The following TBC1D16 variants were observed in gnomAD, a reference collection of about 807,000 sequenced individuals.
TBC1D16 encodes the protein TBC1 domain family member 16.
Under a neutral mutation model 74.7 loss-of-function variants are expected in TBC1D16, and 58 were observed. The observed-to-expected ratio is 0.78, with a 90% confidence interval of 0.63 to 0.97. The LOEUF (loss-of-function observed/expected upper bound fraction) is 0.97, where lower values mean the gene tolerates loss of function less well. TBC1D16 is among the 50% of genes least tolerant of loss of function. The pLI, the probability that TBC1D16 is intolerant of heterozygous loss-of-function variation, is 0.00. For missense variants in TBC1D16, 1,014 were observed against 1,079.5 expected (o/e 0.94, Z 0.85); for synonymous variants, 493 against 474.7 (o/e 1.04, Z -0.50).
chr17:79,944,256 G>C lies in TBC1D16; in HGVS notation c.1908+652C>G. On this transcript the variant is annotated intron_variant, in intron 10 of 11. Coordinates refer to ENST00000310924, the MANE Select transcript of TBC1D16 (RefSeq NM_019020.4). The surrounding 1 kb of genome is among the most constrained non-coding windows in gnomAD (Gnocchi z 7.7). ...CCTGCAAAAGGGTCCAGCCCTCCTGGATGCGTCGATGTGAGTTTTTTTTTT... is the reference window on the plus strand; with the variant it reads ...CCTGCAAAAGGGTCCAGCCCTCCTGCATGCGTCGATGTGAGTTTTTTTTTT... The C allele has an allele frequency of 1.0e-6, 1 of 981,148 alleles. No individual in the cohort carries two copies. Among genetic ancestry groups the C allele is most frequent in the Non-Finnish European group, 1.5e-6 (1 of 673,174 alleles). 60.8% of individuals were successfully genotyped at this position (981,148 alleles called of 1,614,324 possible).
chr17:80,027,891 C>CAAAAAAAAAA (rs71163908), intron 1 of TBC1D16, among the ~76,000 whole-genome samples: 1 of 66,826 alleles, frequency 1.5e-5, no homozygotes, highest in Admixed American at 1.8e-4. Flanking sequence ...GACTCCAACT[C>CAAAAAAAAAA]AAAAAAAAAA....
Position 79,980,014 on chromosome 17 carries a change from C to T in TBC1D16, c.780-27196G>A, listed in dbSNP as rs2144266156. Among the ~76,000 whole-genome samples the T allele has an allele frequency of 6.6e-6, 1 of 152,182 alleles. No individual in the cohort carries two copies. Among genetic ancestry groups the T allele is most frequent in the African/African-American group, 2.4e-5 (1 of 41,524 alleles). On this transcript the variant is annotated intron_variant, in intron 3 of 11. Transcript: ENST00000310924. The surrounding 1 kb of genome is among the most constrained non-coding windows in gnomAD (Gnocchi z 7.0). Reference sequence around the variant, plus strand: ...ACGGCTGTGGGCACCGGTGCCTCCCCAGACCCTCTGGGCAGCCCATCCTTG... The same window carrying T: ...ACGGCTGTGGGCACCGGTGCCTCCCTAGACCCTCTGGGCAGCCCATCCTTG...
rs1472887858 is a variant in TBC1D16, at chr17:79,975,579, G to A, written c.780-22761C>T. On this transcript the variant is annotated intron_variant, in intron 3 of 11. Transcript: ENST00000310924. The surrounding 1 kb of genome is among the most constrained non-coding windows in gnomAD (Gnocchi z 4.5). ...TCCTGATTTCAAAGGATCAACGAGT[G>A]ACAGAGGGTTGGGGACTGGGGGGGT... is the stretch of plus-strand genomic sequence containing the variant. 3.3e-5 allele frequency among the ~76,000 whole-genome samples: 5 copies of A among 152,204 alleles called. No homozygotes were observed. Among genetic ancestry groups the A allele is most frequent in the African/African-American group, 1.2e-4 (5 of 41,460 alleles).
Position 79,979,122 on chromosome 17 carries a change from C to G in TBC1D16, c.780-26304G>C, listed in dbSNP as rs192792060. ...GCCCTCGTGGGCTCCACGCTCTCAGCCTGTCCATCAGCAGCACACCTGGGA... is the reference window on the plus strand; with the variant it reads ...GCCCTCGTGGGCTCCACGCTCTCAGGCTGTCCATCAGCAGCACACCTGGGA... On this transcript the variant is annotated intron_variant, in intron 3 of 11. Transcript: ENST00000310924. The surrounding 1 kb of genome is among the most constrained non-coding windows in gnomAD (Gnocchi z 4.8). 1.2e-4 allele frequency among the ~76,000 whole-genome samples: 18 copies of G among 152,354 alleles called. No homozygotes were observed. In the East Asian group the frequency reaches 3.5e-3, roughly 29 times the overall value.
chr17:79,939,519 G>T lies in TBC1D16; in HGVS notation c.*1340C>A, dbSNP rs777143064. On this transcript the variant is annotated 3_prime_UTR_variant, in exon 12 of 12. Transcript: ENST00000310924. ...CCATGATGGTTCTCAGCACATCAAGGGTTTTTCTCCCCAGAAGGACGCGAT... is the reference window on the plus strand; with the variant it reads ...CCATGATGGTTCTCAGCACATCAAGTGTTTTTCTCCCCAGAAGGACGCGAT... 4.6e-5 allele frequency: 7 copies of T among 152,194 alleles called. No individual in the cohort carries two copies. The highest frequency in any genetic ancestry group is 7.3e-5 in the Non-Finnish European group (5 of 68,046). 9.4% of individuals were successfully genotyped at this position (152,194 alleles called of 1,614,324 possible).
chr17:79,976,972 T>C (rs1025851341), intron 3 of TBC1D16, among the ~76,000 whole-genome samples: 2 of 152,198 alleles, frequency 1.3e-5, no homozygotes, highest in African/African-American at 4.8e-5. Context: ...GGGCAGTTTC[T>C]ACCTGCCTGC....
chr17:79,949,210 C>T (rs2032827019), intron 7 of TBC1D16, among the ~76,000 whole-genome samples: 3 of 152,252 alleles, frequency 2.0e-5, no homozygotes, highest in African/African-American at 7.2e-5. Context: ...AACTCAGCCT[C>T]ACAGTCTCCA....
rs1055156822 is a variant in TBC1D16, at chr17:79,944,783, T to TG, written c.1908+124dup. 13 of 873,492 alleles carry TG rather than the reference T, an allele frequency of 1.5e-5. No homozygotes were observed. The highest frequency in any genetic ancestry group is 1.3e-4 in the South Asian group (7 of 55,522). 54.1% of individuals were successfully genotyped at this position (873,492 alleles called of 1,614,324 possible). A position where few individuals can be genotyped will look rare whatever the true frequency, so the allele number is the denominator to read the frequency against. On this transcript the variant is annotated intron_variant, in intron 10 of 11. Transcript: ENST00000310924. This position sits in a 1 kb window ranked among gnomAD's most constrained non-coding sequence, Gnocchi z 7.7. ...GTGGGACGGGAAGGCAGTCGCCGTA[T>TG]GGGGGGCTAATGTGTGGCTGTGGGT...
Position 79,941,563 on chromosome 17 carries a change from A to AC in TBC1D16, c.2056-457dup, listed in dbSNP as rs747771493. ...GCCAGAGGACACCACCGACCTCGGG[A>AC]CCCCCGCTCAGTGCCCTGAGGACCA... On this transcript the variant is annotated intron_variant, in intron 11 of 11. Coordinates refer to ENST00000310924, the MANE Select transcript of TBC1D16 (RefSeq NM_019020.4). The surrounding 1 kb of genome is among the most constrained non-coding windows in gnomAD (Gnocchi z 4.3). Among the ~76,000 whole-genome samples the AC allele has an allele frequency of 1.5e-4, 22 of 151,478 alleles. No individual in the cohort carries two copies. The South Asian group carries it at 3.6e-3, about 25-fold the overall frequency.
rs578037650 is a variant in TBC1D16 at position 79,950,117 on chromosome 17, T to C, written c.1258-252A>G. On this transcript the variant is annotated intron_variant, in intron 6 of 11. Coordinates refer to ENST00000310924, the MANE Select transcript of TBC1D16 (RefSeq NM_019020.4). The surrounding 1 kb of genome is among the most constrained non-coding windows in gnomAD (Gnocchi z 4.6). ...GTGTCGTTCTCACGTCATGGCCTAA[T>C]CCCTGGTTTTGGAAATGCTGCATTT... is the stretch of plus-strand genomic sequence containing the variant. Among the ~76,000 whole-genome samples, 1 of 152,098 alleles carries C rather than the reference T, an allele frequency of 6.6e-6. No homozygotes were observed. Among genetic ancestry groups the C allele is most frequent in the Non-Finnish European group, 1.5e-5 (1 of 68,020 alleles).
chr17:79,997,523 T>C (rs562718697), intron 3 of TBC1D16, among the ~76,000 whole-genome samples: 28 of 152,334 alleles, frequency 1.8e-4, no homozygotes, highest in African/African-American at 2.9e-4. Flanking sequence ...GAGGCTGCCC[T>C]CTGCCTCTGT....
chr17:80,000,959 G>A lies in TBC1D16; in HGVS notation c.779+9201C>T, dbSNP rs79930139. 8.1e-4 allele frequency among the ~76,000 whole-genome samples: 123 copies of A among 152,332 alleles called. 4 individuals carry two copies. In the East Asian group the frequency reaches 0.021, roughly 26 times the overall value. On this transcript the variant is annotated intron_variant, in intron 3 of 11. Coordinates refer to ENST00000310924, the MANE Select transcript of TBC1D16 (RefSeq NM_019020.4). The surrounding 1 kb of genome is among the most constrained non-coding windows in gnomAD (Gnocchi z 4.1). Reference sequence around the variant, plus strand: ...AGCCATGCCACAGTTGCACACCAGAGGGCTGGGCACGGTGGCATCCCAGTC... The same window carrying A: ...AGCCATGCCACAGTTGCACACCAGAAGGCTGGGCACGGTGGCATCCCAGTC...
intron 3 of TBC1D16, among the ~76,000 whole-genome samples, chr17:79,977,360 A>C (rs1242232663): frequency 6.6e-6 from 1 of 151,922 alleles, no homozygotes; most frequent in Non-Finnish European, 1.5e-5. Flanking sequence ...AGCAGCCTCC[A>C]CCTCCGGGTC....
At chr17:80,017,209 G>A (rs763280077) in intron 1 of TBC1D16, among the ~76,000 whole-genome samples, 8 of 152,218 alleles carry the variant, frequency 5.3e-5, no homozygotes, top group South Asian at 2.1e-4. Context: ...TCTCTGGGCC[G>A]GAGAGTCTCT....
chr17:79,950,731 T>A lies in TBC1D16; in HGVS notation c.1090-153A>T, dbSNP rs1451101859. ...ACAAACCCCTAAATGGCGAGTGTAA[T>A]TAGGCGCAATTAAAATGAAAATACC... On this transcript the variant is annotated intron_variant, in intron 5 of 11. Coordinates refer to ENST00000310924, the MANE Select transcript of TBC1D16 (RefSeq NM_019020.4). This position sits in a 1 kb window ranked among gnomAD's most constrained non-coding sequence, Gnocchi z 4.6. The A allele has an allele frequency of 3.3e-6, 5 of 1,537,854 alleles. No individual in the cohort carries two copies. In the East Asian group the frequency reaches 9.8e-5, roughly 30 times the overall value.
In TBC1D16 at chr17:79,979,615, C is replaced by A. The variant is rs1362937845; in HGVS notation, c.780-26797G>T. 6.6e-6 allele frequency among the ~76,000 whole-genome samples: 1 copy of A among 152,066 alleles called. No individual in the cohort carries two copies. Among genetic ancestry groups the A allele is most frequent in the African/African-American group, 2.4e-5 (1 of 41,402 alleles). On this transcript the variant is annotated intron_variant, in intron 3 of 11. Transcript: ENST00000310924. This position sits in a 1 kb window ranked among gnomAD's most constrained non-coding sequence, Gnocchi z 4.8. ...GTTCCTGTCGCAGGTCCAGGTTATT[C>A]GGTGCCATAAAAAGGCACACGTCGA...
At chr17:79,974,013 T>C (rs2034227237) in intron 3 of TBC1D16, among the ~76,000 whole-genome samples, 1 of 152,260 alleles carries the variant, frequency 6.6e-6, no homozygotes, top group African/African-American at 2.4e-5. Flanking sequence ...TTATGGCTTC[T>C]CTTTGGCATA....
chr17:79,991,885 C>G (rs112673708), intron 3 of TBC1D16: 1 of 51,234 alleles, frequency 2.0e-5, no homozygotes. Context: ...ACAGAGGCTC[C>G]GGGCAGCTGG....
At position 79,941,343 on chromosome 17, in the gene TBC1D16, G is replaced by A. The variant is rs2031960226; in HGVS notation, c.2056-236C>T. 6.6e-6 allele frequency among the ~76,000 whole-genome samples: 1 copy of A among 152,224 alleles called. No individual in the cohort carries two copies. On this transcript the variant is annotated intron_variant, in intron 11 of 11. Transcript: ENST00000310924. This position sits in a 1 kb window ranked among gnomAD's most constrained non-coding sequence, Gnocchi z 4.3. ...ACAAGGCACTCGGGCTGTGCTCACA[G>A]GTGGCTCGAGGTGAACAAGGCCCTT...
Sources: gnomAD v4.1 joint callset for allele counts (sites outside exome capture counted in the v4.1 genomes callset) on GRCh38, gnomAD v4.1.1 for gene constraint, Gnocchi (gnomAD v3.1) non-coding constraint, MANE v1.5 for transcripts, NCBI Gene and HGNC (gene_info 2026-07-23, HGNC 2026-07-21) for gene names.